FOXP1: variants seen among roughly 807,000 people sequenced by gnomAD.
The protein encoded by FOXP1 is forkhead box P1.
FOXP1 carries 15 observed loss-of-function variants against 98.2 expected under a neutral mutation model. The observed-to-expected ratio is 0.15, with a 90% CI of 0.10 to 0.24. The LOEUF (loss-of-function observed/expected upper bound fraction) is 0.24, where lower values mean the gene tolerates loss of function less well. Among genes scored for constraint, FOXP1 ranks in the 10% least tolerant of loss-of-function variants. The pLI is 1.00. For synonymous variants in FOXP1, 371 were observed against 314.5 expected (o/e 1.18, Z -1.90); for missense variants, 633 against 848.5 (o/e 0.75, Z 3.15).
At chr3:71,299,353 T>C (rs1043373353) in intron 5 of FOXP1, among the ~76,000 whole-genome samples, 2 of 152,224 alleles carry the variant, frequency 1.3e-5, no homozygotes, top group Non-Finnish European at 2.9e-5. Context: ...ATGTGGCGTG[T>C]TGCTATGGTG....
intron 2 of FOXP1, among the ~76,000 whole-genome samples, chr3:71,554,704 G>T (rs1559525038): frequency 6.6e-6 from 1 of 152,186 alleles, no homozygotes; most frequent in Non-Finnish European, 1.5e-5. Flanking sequence ...TTTTAAAAAT[G>T]TTAGAATCCA....
intron 5 of FOXP1, among the ~76,000 whole-genome samples, chr3:71,227,747 A>C: frequency 6.6e-6 from 1 of 151,934 alleles, no homozygotes; most frequent in South Asian, 2.1e-4. Context: ...AAAAAAAAAA[A>C]CAGTCAAAGG....
At chr3:71,328,219 A>G (rs531648260) in intron 4 of FOXP1, among the ~76,000 whole-genome samples, 2 of 152,246 alleles carry the variant, frequency 1.3e-5, no homozygotes, top group East Asian at 3.9e-4. Context: ...GGCCAAGCCC[A>G]GGAGTTCAAG....
At chr3:71,426,141 C>G (rs2084133999) in intron 3 of FOXP1, among the ~76,000 whole-genome samples, 1 of 152,186 alleles carries the variant, frequency 6.6e-6, no homozygotes, top group Non-Finnish European at 1.5e-5. Context: ...AGCTAGAAAA[C>G]AGGGCACTCT....
At chr3:71,550,104 G>A (rs773991880) in intron 2 of FOXP1, among the ~76,000 whole-genome samples, 17 of 151,992 alleles carry the variant, frequency 1.1e-4, no homozygotes, top group Non-Finnish European at 2.2e-4. Flanking sequence ...TCACCCTCCC[G>A]CCTCCAGCCC....
At position 71,162,672 on chromosome 3, in the gene FOXP1, G is replaced by A. The variant is rs540491305; in HGVS notation, c.180+35530C>T. Among the ~76,000 whole-genome samples the A allele has an allele frequency of 3.9e-5, 6 of 152,310 alleles. No individual in the cohort carries two copies. In the East Asian group the frequency reaches 5.8e-4, roughly 15 times the overall value. On this transcript the variant is annotated intron_variant, in intron 6 of 20. Coordinates refer to ENST00000649528, the MANE Select transcript of FOXP1 (RefSeq NM_001349338.3). ...CACAGAAACTTAGACAGGGGCAGGTGTCTGGTGAAGCCCCACCCATTGTTA... is the reference window on the plus strand; with the variant it reads ...CACAGAAACTTAGACAGGGGCAGGTATCTGGTGAAGCCCCACCCATTGTTA...
chr3:71,242,636 GA>G (rs2067380942), intron 5 of FOXP1, among the ~76,000 whole-genome samples: 1 of 151,994 alleles, frequency 6.6e-6, no homozygotes, highest in South Asian at 2.1e-4. Flanking sequence ...GCTCACATGT[GA>G]AAAAGCTTTC....
At chr3:71,582,474 C>T (rs911243070) in intron 1 of FOXP1, 12 of 985,246 alleles carry the variant, frequency 1.2e-5, no homozygotes, top group Non-Finnish European at 1.2e-5. Context: ...GCGCAGGGAG[C>T]TCGGGAGGAA....
chr3:70,961,010 A>AT (rs1444285065), intron 20 of FOXP1, among the ~76,000 whole-genome samples: 2 of 150,900 alleles, frequency 1.3e-5, no homozygotes, highest in Non-Finnish European at 3.0e-5. Context: ...GCCCGGCTAA[A>AT]TTTTTTTGTA....
intron 4 of FOXP1, among the ~76,000 whole-genome samples, chr3:71,326,147 TAGC>T (rs1276548668): frequency 6.6e-6 from 1 of 152,208 alleles, no homozygotes; most frequent in Non-Finnish European, 1.5e-5. Context: ...TGGCACGCAT[TAGC>T]AGGAAGAGGC....
intron 7 of FOXP1, among the ~76,000 whole-genome samples, chr3:71,095,675 G>T (rs2056388254): frequency 6.6e-6 from 1 of 152,020 alleles, no homozygotes; most frequent in South Asian, 2.1e-4. Context: ...CTAGAGACCA[G>T]GTGTGACACT....
chr3:71,336,261 G>T (rs865810634), intron 4 of FOXP1, among the ~76,000 whole-genome samples: 7 of 151,602 alleles, frequency 4.6e-5, no homozygotes, highest in Middle Eastern at 3.4e-3. Context: ...AAAATTTTTA[G>T]TTTATTTTAT....
intron 5 of FOXP1, among the ~76,000 whole-genome samples, chr3:71,223,809 C>T (rs564155717): frequency 9.9e-5 from 15 of 152,198 alleles, no homozygotes; most frequent in African/African-American, 2.9e-4. Context: ...GATGGCTCTC[C>T]GCTCAGGCCA....
intron 3 of FOXP1, among the ~76,000 whole-genome samples, chr3:71,422,451 G>A (rs1414701324): frequency 2.6e-5 from 4 of 152,142 alleles, no homozygotes; most frequent in African/African-American, 9.7e-5. Context: ...GTGATGCCGC[G>A]GCTGCTCGTT....
At chr3:71,033,088 C>T (rs1475975797) in intron 11 of FOXP1, among the ~76,000 whole-genome samples, 3 of 152,178 alleles carry the variant, frequency 2.0e-5, no homozygotes, top group African/African-American at 7.2e-5. Flanking sequence ...CCCTCACACC[C>T]CTGGTGTGGA....
At chr3:71,209,204 GATAAAA>G (rs2064277594) in intron 5 of FOXP1, among the ~76,000 whole-genome samples, 1 of 152,210 alleles carries the variant, frequency 6.6e-6, no homozygotes, top group East Asian at 1.9e-4. Flanking sequence ...CTGGCTTGCA[GATAAAA>G]ATAAAGCATC....
intron 7 of FOXP1, among the ~76,000 whole-genome samples, chr3:71,084,040 G>T (rs916594147): frequency 6.6e-6 from 1 of 152,070 alleles, no homozygotes; most frequent in Non-Finnish European, 1.5e-5. Context: ...TGCCATTCTG[G>T]GAGGGATTCC....
chr3:70,999,431 A>C (rs1241080881), intron 13 of FOXP1, among the ~76,000 whole-genome samples: 1 of 151,886 alleles, frequency 6.6e-6, no homozygotes, highest in Non-Finnish European at 1.5e-5. Context: ...TCATAAAAGA[A>C]CTCTGTGGGT....
intron 4 of FOXP1, among the ~76,000 whole-genome samples, chr3:71,327,845 AAC>A (rs1428999872): frequency 6.6e-6 from 1 of 152,166 alleles, no homozygotes; most frequent in Non-Finnish European, 1.5e-5. Flanking sequence ...TGCTTATTAT[AAC>A]ACATTCTTTC....
Sources: allele counts gnomAD v4.1 joint callset (sites outside exome capture counted in the v4.1 genomes callset), GRCh38; gene constraint gnomAD v4.1.1; transcripts MANE v1.5; gene names NCBI Gene and HGNC (gene_info 2026-07-23, HGNC 2026-07-21).